The following CDKL3 variants were observed in gnomAD, a reference collection of about 807,000 sequenced individuals.
CDKL3 encodes cyclin-dependent kinase-like 3.
A neutral mutation model predicts 69.3 loss-of-function variants in CDKL3; 65 were observed. That is an observed-to-expected ratio of 0.94 (90% CI 0.77 to 1.15). The LOEUF (loss-of-function observed/expected upper bound fraction) is 1.15. Among genes scored for constraint, CDKL3 ranks in the 50% most tolerant of loss-of-function variants. The probability of loss-of-function intolerance (pLI) is 0.00; values close to 1 mark genes in which losing one functional copy is unlikely to be tolerated. For synonymous variants in CDKL3, 202 were observed against 221.6 expected (o/e 0.91, Z 0.79); for missense variants, 652 against 689.2 (o/e 0.95, Z 0.61).
At chr5:134,371,525 C>T (rs1758408993), upstream of CDKL3, 19 of 1,567,146 alleles carry the variant, frequency 1.2e-5, 1 homozygote, top group South Asian at 2.2e-4. Context: ...GATTCGGCCG[C>T]CGCGCCGGGG....
chr5:134,283,537 A>G (rs1764723079), downstream of CDKL3, among the ~76,000 whole-genome samples: 1 of 147,054 alleles, frequency 6.8e-6, no homozygotes, highest in African/African-American at 2.6e-5. Flanking sequence ...CAAGAACAGC[A>G]TGGAAAAAAC....
chr5:134,328,812 A>T (rs1775026165), intron 4 of CDKL3, among the ~76,000 whole-genome samples: 1 of 152,224 alleles, frequency 6.6e-6, no homozygotes, highest in African/African-American at 2.4e-5. Flanking sequence ...CAGACTTCTT[A>T]ATAGAAACAA....
At chr5:134,306,802 T>G (rs1472729557) in intron 9 of CDKL3, 100 bp from the exon 10 acceptor site, 3 of 633,102 alleles carry the variant, frequency 4.7e-6, no homozygotes, top group Non-Finnish European at 7.6e-6. Context: ...TCACCCAGGC[T>G]GGAGTGCAGT....
chr5:134,344,859 C>T lies in CDKL3; in HGVS notation c.539+5390G>A, dbSNP rs557395948. ...CAGGTCGATCACGAGGTCAGGAGTT[C>T]GAGACCAGCCTGACCAACATGGTGA... On this transcript the variant is annotated intron_variant, in intron 4 of 12. Coordinates refer to ENST00000265334, the MANE Select transcript of CDKL3 (RefSeq NM_001113575.2). 5.9e-5 allele frequency among the ~76,000 whole-genome samples: 9 copies of T among 152,090 alleles called. No homozygotes were observed. The South Asian group carries it at 6.2e-4, about 11-fold the overall frequency.
chr5:134,315,181 A>G (rs995340135), intron 6 of CDKL3, among the ~76,000 whole-genome samples: 15 of 152,138 alleles, frequency 9.9e-5, no homozygotes, highest in African/African-American at 2.9e-4. Context: ...TGATAAATGT[A>G]GCATTCCAAA....
At chr5:134,290,131 A>C (rs1045140974) in intron 8 of CDKL3, among the ~76,000 whole-genome samples, 1 of 152,044 alleles carries the variant, frequency 6.6e-6, no homozygotes, top group Non-Finnish European at 1.5e-5. Context: ...TGAGGCAGGC[A>C]AATCACAAGG....
chr5:134,307,504 T>A (rs1340484174), intron 9 of CDKL3, among the ~76,000 whole-genome samples: 2 of 152,200 alleles, frequency 1.3e-5, no homozygotes, highest in Non-Finnish European at 2.9e-5. Flanking sequence ...ACCAGTCTGC[T>A]AGAATCCTCT....
chr5:134,326,025 G>A (rs537213728), intron 4 of CDKL3, among the ~76,000 whole-genome samples: 3 of 149,464 alleles, frequency 2.0e-5, no homozygotes, highest in African/African-American at 7.4e-5. Flanking sequence ...CGCACGCCTC[G>A]GCCTCCCAAA....
At chr5:134,359,842 G>T in intron 3 of CDKL3, 55 bp downstream of exon 3, 1 of 1,104,002 alleles carries the variant, frequency 9.1e-7, no homozygotes, top group East Asian at 2.6e-5. Flanking sequence ...CAATGTATAA[G>T]GAGCACTTAT....
intron 3 of CDKL3, among the ~76,000 whole-genome samples, chr5:134,355,251 A>T (rs1446230373): frequency 6.6e-6 from 1 of 151,832 alleles, no homozygotes; most frequent in East Asian, 1.9e-4. Flanking sequence ...AAAAAAAAAA[A>T]AAAAACAGAT....
intron 3 of CDKL3, among the ~76,000 whole-genome samples, chr5:134,351,778 TG>T (rs1172490649): frequency 1.3e-5 from 2 of 152,276 alleles, no homozygotes; most frequent in East Asian, 3.9e-4. Context: ...TTTTTAACAT[TG>T]TTAATTTTAA....
intron 2 of CDKL3, among the ~76,000 whole-genome samples, chr5:134,363,294 C>CTATT (rs772293841): frequency 5.9e-5 from 9 of 151,764 alleles, no homozygotes; most frequent in African/African-American, 2.2e-4. Context: ...TAGAGCTGTT[C>CTATT]TATTTATTTA....
At chr5:134,341,624 T>C (rs986906397) in intron 4 of CDKL3, among the ~76,000 whole-genome samples, 2 of 152,366 alleles carry the variant, frequency 1.3e-5, no homozygotes, top group Admixed American at 1.3e-4. Context: ...AAAATTGTGC[T>C]GCAGACACAG....
At chr5:134,286,640 T>C (rs1007492581) in intron 8 of CDKL3, 2 of 152,482 alleles carry the variant, frequency 1.3e-5, no homozygotes, top group South Asian at 2.1e-4. Context: ...ACAATCATGG[T>C]GGAAGGCAAG....
At chr5:134,317,464 A>C (rs749211333) in intron 6 of CDKL3, among the ~76,000 whole-genome samples, 10 of 152,028 alleles carry the variant, frequency 6.6e-5, no homozygotes, top group Non-Finnish European at 1.5e-4. Context: ...ATTTTAAATA[A>C]AATTTAAATT....
At chr5:134,367,561 C>T (rs543982283), upstream of CDKL3, among the ~76,000 whole-genome samples, 5 of 151,852 alleles carry the variant, frequency 3.3e-5, no homozygotes, top group Admixed American at 6.6e-5. Flanking sequence ...TTAGTAGAGA[C>T]GGGGTTTCTA....
intron 4 of CDKL3, among the ~76,000 whole-genome samples, chr5:134,335,932 A>T (rs1309870022): frequency 2.0e-5 from 3 of 152,098 alleles, no homozygotes; most frequent in African/African-American, 7.2e-5. Flanking sequence ...ACTTGGTTCC[A>T]TTCTCCCTGT....
At chr5:134,333,442 G>C (rs1776285967) in intron 4 of CDKL3, among the ~76,000 whole-genome samples, 1 of 152,162 alleles carries the variant, frequency 6.6e-6, no homozygotes, top group South Asian at 2.1e-4. Context: ...GTATAATATT[G>C]GCTGTGGGTT....
intron 3 of CDKL3, among the ~76,000 whole-genome samples, chr5:134,350,691 T>A (rs1753025965): frequency 1.3e-5 from 2 of 151,578 alleles, no homozygotes; most frequent in East Asian, 3.9e-4. Flanking sequence ...CCAAAAGAAC[T>A]TAATGAGGCT....
Sources: allele counts gnomAD v4.1 joint callset (sites outside exome capture counted in the v4.1 genomes callset), GRCh38; gene constraint gnomAD v4.1.1; transcripts MANE v1.5; gene names NCBI Gene and HGNC (gene_info 2026-07-23, HGNC 2026-07-21).